Variants in ARMCX4 observed in about 807,000 individuals in gnomAD.
ARMCX4 encodes the protein armadillo repeat containing X-linked 4, also known as armadillo repeat-containing X-linked protein 4.
Under a neutral mutation model 34.7 loss-of-function variants are expected in ARMCX4, and 3 were observed. The observed-to-expected ratio is 0.09, with a 90% CI of 0.04 to 0.22. The LOEUF is 0.22. ARMCX4 is among the 10% of genes least tolerant of loss of function. ARMCX4 has a pLI of 1.00. For synonymous variants in ARMCX4, 513 were observed against 632.8 expected, an observed-to-expected ratio of 0.81 and a Z score of 2.84; for missense variants, 1,448 against 1,720.8, an observed-to-expected ratio of 0.84 and a Z score of 2.81.
chrX:101,458,430 A>G (rs782384754), intron 4 of ARMCX4, among the ~76,000 whole-genome samples: 2 of 111,361 alleles, frequency 1.8e-5, no homozygotes, highest in Non-Finnish European at 3.8e-5. Flanking sequence ...TATAAAAGGA[A>G]ATAAAAACTA....
chrX:101,458,596 C>T (rs1556000745), intron 4 of ARMCX4, among the ~76,000 whole-genome samples: 1 of 106,718 alleles, frequency 9.4e-6, no homozygotes, highest in African/African-American at 3.4e-5. Flanking sequence ...AAGCAATTCT[C>T]GTGTCTCAGC....
At chrX:101,504,909 A>G (rs1556014774) in intron 7 of ARMCX4, 1 of 111,825 alleles carries the variant, frequency 8.9e-6, no homozygotes, top group Admixed American at 9.5e-5. Context: ...AGGGATATTA[A>G]CATTTCTCTT....
intron 3 of ARMCX4, among the ~76,000 whole-genome samples, chrX:101,445,529 TG>T (rs782768443): frequency 1.5e-4 from 17 of 112,069 alleles, no homozygotes; most frequent in Non-Finnish European, 2.3e-4. Flanking sequence ...AAACAAGTCT[TG>T]AGGAGAGTGT....
chrX:101,525,779 T>G (rs1288503057), intron 11 of ARMCX4, among the ~76,000 whole-genome samples: 2 of 110,406 alleles, frequency 1.8e-5, no homozygotes, highest in African/African-American at 6.6e-5. Flanking sequence ...TGAAATGAAG[T>G]GAGAAGAGAA....
chrX:101,519,677 A>C (rs1934811648), intron 11 of ARMCX4, among the ~76,000 whole-genome samples: 1 of 111,605 alleles, frequency 9.0e-6, no homozygotes, highest in African/African-American at 3.3e-5. Flanking sequence ...ATACTTCTAG[A>C]TATATATACA....
rs782121436 is a variant in ARMCX4, at chrX:101,526,668, A to G, written c.*1781-4976A>G. Among the ~76,000 whole-genome samples, 1,026 of 111,948 alleles carry G rather than the reference A, an allele frequency of 9.2e-3. 9 individuals are homozygous for G. Among genetic ancestry groups the G allele is most frequent in the African/African-American group, 0.031 (955 of 30,752 alleles). Reference sequence around the variant, plus strand: ...ACCAAGCAAATGGAAAACAGAAAAAAGCAGGGGTTGCAATCCTAGTCTCTG... The same window carrying G: ...ACCAAGCAAATGGAAAACAGAAAAAGGCAGGGGTTGCAATCCTAGTCTCTG... On this transcript the variant is annotated intron_variant and NMD_transcript_variant, in intron 11 of 12. Coordinates refer to the ARMCX4 transcript ENST00000354842.
At chrX:101,520,660 G>A (rs147663898) in intron 11 of ARMCX4, among the ~76,000 whole-genome samples, 81 of 111,286 alleles carry the variant, frequency 7.3e-4, no homozygotes, top group Non-Finnish European at 1.3e-3. Context: ...CAAGTATTGT[G>A]TTGAGAATGT....
intron 2 of ARMCX4, among the ~76,000 whole-genome samples, chrX:101,440,131 A>G (rs1555996393): frequency 9.0e-6 from 1 of 110,848 alleles, no homozygotes; most frequent in African/African-American, 3.3e-5. Context: ...GTCTTTGATG[A>G]TGGTGACGTA....
chrX:101,506,864 C>T (rs148305925), intron 8 of ARMCX4, among the ~76,000 whole-genome samples: 1,550 of 111,409 alleles, frequency 0.014, 30 homozygotes, highest in African/African-American at 0.047. Context: ...TCATCCTTCC[C>T]CACCCCAGAT....
rs918519684 is a variant in ARMCX4, at chrX:101,494,693, A to G, written c.6104A>G (p.Glu2035Gly). ...CCCTGGTCTTGCCGCTGTAAACACGAAGCTAATATGGATCCACGAGATCTT... is the reference window on the plus strand; with the variant it reads ...CCCTGGTCTTGCCGCTGTAAACACGGAGCTAATATGGATCCACGAGATCTT... ...TRPWSCRCKHEANMDPRDLEK... is the reference protein window; with the variant it reads ...TRPWSCRCKHGANMDPRDLEK... The change falls in exon 6 of 6, where the codon GAA becomes GGA. Residue 2035 changes from glutamate (E) to glycine (G), a missense_variant. Glu to Gly is a moderately conservative substitution (Grantham distance 98). Coordinates refer to ENST00000423738, the MANE Select transcript of ARMCX4 (RefSeq NM_001256155.3). 4 of 1,155,862 alleles carry G rather than the reference A, an allele frequency of 3.5e-6. No individual in the cohort carries two copies. Among genetic ancestry groups the G allele is most frequent in the Non-Finnish European group, 3.4e-6 (3 of 872,777 alleles).
intron 2 of ARMCX4, among the ~76,000 whole-genome samples, chrX:101,437,600 C>A (rs1330892289): frequency 9.0e-6 from 1 of 111,215 alleles, no homozygotes; most frequent in African/African-American, 3.3e-5. Context: ...AAATCAGCTC[C>A]TGGATTCATT....
At chrX:101,525,706 G>A (rs1163335538) in intron 11 of ARMCX4, among the ~76,000 whole-genome samples, 1 of 110,916 alleles carries the variant, frequency 9.0e-6, no homozygotes, top group Non-Finnish European at 1.9e-5. Flanking sequence ...CAATCAAGTG[G>A]AAGAAAGGGT....
chrX:101,426,564 A>G (rs1929637745), intron 2 of ARMCX4, among the ~76,000 whole-genome samples: 2 of 112,009 alleles, frequency 1.8e-5, no homozygotes, highest in African/African-American at 6.5e-5. Context: ...AGAGAAAAAT[A>G]GAAGGACTGC....
In ARMCX4 at chrX:101,491,394, T is replaced by C; in HGVS notation, c.2805T>C (p.Ile935=). ...AGGTCAAGGGCAATTCCAATGCTAT[T>C]TCTAAGGCAGAGGCTGGGGCAGGCA... ...RNKVKGNSNA[I]SKAEAGAGIM... Residue 935 remains isoleucine (I), a synonymous_variant, in exon 6 of 6, where the codon ATT becomes ATC. Transcript: ENST00000423738. The C allele has an allele frequency of 8.7e-7, 1 of 1,148,620 alleles. No homozygotes were observed. The highest frequency in any genetic ancestry group is 1.9e-5 in the African/African-American group (1 of 53,634). The allele number at this position is 1,148,620 out of a possible 1,213,427, so 94.7% of individuals were successfully genotyped here.
At chrX:101,442,115 C>T (rs907399280) in intron 2 of ARMCX4, among the ~76,000 whole-genome samples, 6 of 112,586 alleles carry the variant, frequency 5.3e-5, no homozygotes, top group African/African-American at 1.9e-4. Context: ...TATATCTTCT[C>T]TGCTTCACCC....
chrX:101,445,792 AGAG>A (rs1555997919), intron 3 of ARMCX4, among the ~76,000 whole-genome samples: 1 of 110,504 alleles, frequency 9.0e-6, no homozygotes, highest in Non-Finnish European at 1.9e-5. Flanking sequence ...AGGAGGGAAA[AGAG>A]GAGAGGGTGG....
rs1556009004 is a variant in ARMCX4, at chrX:101,491,281, G to T, written c.2692G>T (p.Ala898Ser). 1.7e-6 allele frequency: 2 copies of T among 1,156,116 alleles called. No homozygotes were observed. Among genetic ancestry groups the T allele is most frequent in the Admixed American group, 2.6e-5 (1 of 38,849 alleles). Residue 898 changes from alanine (A) to serine (S), a missense_variant, in exon 6 of 6, where the codon GCA (alanine) becomes TCA (serine). Around this residue, in one of 2 missense-constraint regions of ARMCX4, gnomAD observed 1,343 missense variants for 1,540.7 expected, o/e 0.87. Coordinates refer to ENST00000423738, the MANE Select transcript of ARMCX4 (RefSeq NM_001256155.3). Reference protein sequence around the residue: ...VKGNSNVVSKAGAREDTMGSA... With the variant: ...VKGNSNVVSKSGAREDTMGSA... ...GGGCAATTCCAATGTTGTGTCTAAG[G>T]CAGGGGCCAGAGAAGATACAATGGG...
chrX:101,467,299 G>A (rs1423320750), intron 4 of ARMCX4, among the ~76,000 whole-genome samples: 4 of 110,956 alleles, frequency 3.6e-5, no homozygotes, highest in South Asian at 3.9e-4. Context: ...ACAGGCATGC[G>A]CCACCATGCC....
chrX:101,443,071 C>T (rs1931402138), intron 2 of ARMCX4, among the ~76,000 whole-genome samples: 2 of 97,302 alleles, frequency 2.1e-5, no homozygotes, highest in Admixed American at 1.3e-4. Context: ...GCAGAGCTTG[C>T]AGTGAGCCGA....
Sources: gnomAD v4.1 joint callset for allele counts (sites outside exome capture counted in the v4.1 genomes callset) on GRCh38, gnomAD v4.1.1 for gene constraint, gnomAD v4.1.1 regional missense constraint, MANE v1.5 for transcripts, NCBI Gene and HGNC (gene_info 2026-07-23, HGNC 2026-07-21) for gene names.